The following PAN3 variants were observed in gnomAD, a reference collection of about 807,000 sequenced individuals.
PAN3 encodes PAN2-PAN3 deadenylation complex subunit PAN3.
Under a neutral mutation model 96.2 loss-of-function variants are expected in PAN3, and 19 were observed. That is an observed-to-expected ratio of 0.20 (90% CI 0.14 to 0.29). PAN3 has a LOEUF of 0.29. Among genes scored for constraint, PAN3 ranks in the 10% least tolerant of loss-of-function variants. The pLI, the probability that PAN3 is intolerant of heterozygous loss-of-function variation, is 1.00. For synonymous variants in PAN3, 433 were observed against 406.6 expected (o/e 1.06, Z -0.78); for missense variants, 882 against 1,108.1 (o/e 0.80, Z 2.90).
chr13:28,201,255 G>A (rs1349018814), intron 5 of PAN3, among the ~76,000 whole-genome samples: 1 of 151,500 alleles, frequency 6.6e-6, no homozygotes, highest in Non-Finnish European at 1.5e-5. Flanking sequence ...TGTTGCTCAG[G>A]CTGATCTTGA....
intron 6 of PAN3, among the ~76,000 whole-genome samples, chr13:28,242,187 C>G (rs1400914737): frequency 6.6e-6 from 1 of 152,138 alleles, no homozygotes; most frequent in African/African-American, 2.4e-5. Flanking sequence ...ATAGTATTGA[C>G]TGACATATGT....
intron 6 of PAN3, among the ~76,000 whole-genome samples, chr13:28,245,193 G>A (rs1396927498): frequency 6.6e-6 from 1 of 152,108 alleles, no homozygotes; most frequent in East Asian, 1.9e-4. Context: ...TATTGAGCTA[G>A]CATCATAATT....
intron 1 of PAN3, among the ~76,000 whole-genome samples, chr13:28,169,793 A>G (rs1874066438): frequency 6.6e-6 from 1 of 152,080 alleles, no homozygotes; most frequent in Non-Finnish European, 1.5e-5. Flanking sequence ...TCACGCCTGT[A>G]ATCCCAGCAC....
At chr13:28,220,585 G>T (rs1234321002) in intron 6 of PAN3, among the ~76,000 whole-genome samples, 1 of 152,022 alleles carries the variant, frequency 6.6e-6, no homozygotes, top group Non-Finnish European at 1.5e-5. Context: ...TTACATATAA[G>T]AATTTTTATA....
chr13:28,245,484 AC>A (rs760948173), intron 6 of PAN3, among the ~76,000 whole-genome samples: 7 of 149,586 alleles, frequency 4.7e-5, no homozygotes, highest in Non-Finnish European at 8.9e-5. Context: ...CCTCTTCCCT[AC>A]CCCCAAGCAG....
chr13:28,172,873 A>G (rs1472408724), intron 1 of PAN3, among the ~76,000 whole-genome samples: 2 of 152,314 alleles, frequency 1.3e-5, no homozygotes, highest in Admixed American at 1.3e-4. Flanking sequence ...CCTGAGGATC[A>G]TAACAAAATC....
At chr13:28,264,370 C>G (rs1279404535) in intron 9 of PAN3, among the ~76,000 whole-genome samples, 5 of 152,136 alleles carry the variant, frequency 3.3e-5, no homozygotes, top group African/African-American at 1.2e-4. Context: ...AAAACCCTGT[C>G]TCTACTAAAA....
chr13:28,288,216 G>A lies in PAN3; in HGVS notation c.2523+94G>A, dbSNP rs1338280258. On this transcript the variant is annotated intron_variant, in intron 18 of 18. Coordinates refer to ENST00000380958, the MANE Select transcript of PAN3 (RefSeq NM_175854.8). ...AAATACTAGGAAACTTAAGAAATCA[G>A]GATGTACTCTTAAAGTAGCCTGTAA... The A allele has an allele frequency of 1.2e-5, 14 of 1,147,918 alleles. 1 individual carries two copies. In the Admixed American group the frequency reaches 3.6e-4, roughly 29 times the overall value. The allele number at this position is 1,147,918 out of a possible 1,614,324, so 71.1% of individuals were successfully genotyped here.
In PAN3 at chr13:28,270,778, C is replaced by T. The variant is rs763701649; in HGVS notation, c.1870C>T (p.Leu624=). The change falls in exon 13 of 19, where the codon CTA becomes TTA. Residue 624 remains leucine, a synonymous_variant. Coordinates refer to ENST00000380958, the MANE Select transcript of PAN3 (RefSeq NM_175854.8). ...ESLIWAYIVQ[L]SSALRTIHTA... is the part of the protein sequence containing the mutation. ...TCTTATTTGGGCATATATTGTCCAA[C>T]TAAGTTCTGCATTGCGTACCATTCA... 2 of 1,613,946 alleles carry T rather than the reference C, an allele frequency of 1.2e-6. No individual in the cohort carries two copies. The highest frequency in any genetic ancestry group is 1.7e-6 in the Non-Finnish European group (2 of 1,179,848).
At position 28,293,640 on chromosome 13, in the gene PAN3, A is replaced by C. The variant is rs942068379; in HGVS notation, c.*1118A>C. Reference sequence around the variant, plus strand: ...GCCCAAAGTAATAGTACTTTTGATAATAACTCACTCTGTGCGATATTCCTG... The same window carrying C: ...GCCCAAAGTAATAGTACTTTTGATACTAACTCACTCTGTGCGATATTCCTG... On this transcript the variant is annotated 3_prime_UTR_variant, in exon 19 of 19. Transcript: ENST00000380958. 6.6e-6 allele frequency: 1 copy of C among 152,458 alleles called. No homozygotes were observed. The highest frequency in any genetic ancestry group is 1.5e-5 in the Non-Finnish European group (1 of 68,012). The allele number at this position is 152,458 out of a possible 1,614,324, so 9.4% of individuals were successfully genotyped here.
chr13:28,217,270 G>C (rs1005890137), intron 5 of PAN3, among the ~76,000 whole-genome samples: 6 of 151,772 alleles, frequency 4.0e-5, no homozygotes, highest in African/African-American at 7.3e-5. Flanking sequence ...AGAAGCACTT[G>C]GTTGTTTTGG....
At chr13:28,212,467 A>G (rs562360517) in intron 5 of PAN3, among the ~76,000 whole-genome samples, 1 of 152,352 alleles carries the variant, frequency 6.6e-6, no homozygotes, top group East Asian at 1.9e-4. Context: ...TAAAAGTACC[A>G]GACAGGCAAA....
intron 17 of PAN3, among the ~76,000 whole-genome samples, chr13:28,281,766 CTTTT>C (rs10707261): frequency 3.5e-5 from 4 of 114,922 alleles, no homozygotes; most frequent in Non-Finnish European, 7.1e-5. Context: ...TTAAAGCACA[CTTTT>C]TTTTTTTTTT....
rs184531424 is a variant in PAN3 at position 28,273,555 on chromosome 13, C to T, written c.2049+1484C>T. Among the ~76,000 whole-genome samples the T allele has an allele frequency of 1.0e-3, 157 of 151,826 alleles. 3 individuals carry two copies. The East Asian group carries it at 0.025, about 24-fold the overall frequency. ...GGCGGAGGTTGCAGTGAGCTGAGAT[C>T]GCACCACTGCACTCCTGCCTGGGTA... On this transcript the variant is annotated intron_variant, in intron 14 of 18. Transcript: ENST00000380958.
At chr13:28,191,207 T>C (rs1400968679) in intron 4 of PAN3, among the ~76,000 whole-genome samples, 1 of 152,208 alleles carries the variant, frequency 6.6e-6, no homozygotes, top group Non-Finnish European at 1.5e-5. Context: ...GTGTTTGCCC[T>C]GTTTATTTTC....
chr13:28,282,582 TACACACGTGCACGCACGTGCAC>T (rs1042138489), intron 17 of PAN3, among the ~76,000 whole-genome samples: 13 of 152,254 alleles, frequency 8.5e-5, no homozygotes, highest in African/African-American at 2.9e-4. Flanking sequence ...TCCTCTTCCC[TACACACGTGCACGCACGTGCAC>T]ACACACATGC....
rs1476873251 is a variant in PAN3 at position 28,271,977 on chromosome 13, A to G, written c.1959-4A>G. 1.9e-6 allele frequency: 3 copies of G among 1,541,028 alleles called. No homozygotes were observed. In the Admixed American group the frequency reaches 5.7e-5, roughly 29 times the overall value. On this transcript the variant is annotated splice_region_variant and splice_polypyrimidine_tract_variant and intron_variant, in intron 13 of 18. Coordinates refer to ENST00000380958, the MANE Select transcript of PAN3 (RefSeq NM_175854.8). ...ATTTTCTTTAAATTATCTGGTCCTT[A>G]AAGGTTGCGAGTAAATTGTGTTGGA... is the stretch of plus-strand genomic sequence containing the variant.
At chr13:28,193,284 A>G (rs79543253) in intron 4 of PAN3, among the ~76,000 whole-genome samples, 1,655 of 152,280 alleles carry the variant, frequency 0.011, 32 homozygotes, top group African/African-American at 0.038. Flanking sequence ...ATAATGGCAC[A>G]TGTTTAGAGA....
At chr13:28,145,270 T>C (rs542377614) in intron 1 of PAN3, among the ~76,000 whole-genome samples, 1 of 152,290 alleles carries the variant, frequency 6.6e-6, no homozygotes, top group East Asian at 1.9e-4. Flanking sequence ...TGTGTATGTG[T>C]GTACATATTA....
Sources: allele counts gnomAD v4.1 joint callset (sites outside exome capture counted in the v4.1 genomes callset), GRCh38; gene constraint gnomAD v4.1.1; transcripts MANE v1.5; gene names NCBI Gene and HGNC (gene_info 2026-07-23, HGNC 2026-07-21).